The following FAR2 variants were observed in gnomAD, a reference collection of about 807,000 sequenced individuals.
FAR2 encodes epididymis secretory protein Li 81.
A neutral mutation model predicts 56.0 loss-of-function variants in FAR2; 19 were observed. That is an observed-to-expected ratio of 0.34 (90% CI 0.24 to 0.50). FAR2 has a LOEUF of 0.50. FAR2 is among the 20% of genes least tolerant of loss of function. The pLI, the probability that FAR2 is intolerant of heterozygous loss-of-function variation, is 0.98. For missense variants in FAR2, 508 were observed against 642.2 expected (o/e 0.79, Z 2.26); for synonymous variants, 219 against 218.8 (o/e 1.00, Z -0.01).
intron 1 of FAR2, among the ~76,000 whole-genome samples, chr12:29,208,224 G>A (rs1378276182): frequency 1.3e-5 from 2 of 152,194 alleles, no homozygotes; most frequent in Admixed American, 1.3e-4. Flanking sequence ...AAATCCTCCT[G>A]CTGCCCTTCT....
Position 29,334,423 on chromosome 12 carries a change from G to A in FAR2, c.*629G>A, listed in dbSNP as rs553482352. On this transcript the variant is annotated 3_prime_UTR_variant, in exon 12 of 12. Coordinates refer to ENST00000536681, the MANE Select transcript of FAR2 (RefSeq NM_001271783.2). Reference sequence around the variant, plus strand: ...AAAAAGGAACAAGAAGTGTAAATAAGTATGTATAGAGTGAGGGATTAAGCA... The same window carrying A: ...AAAAAGGAACAAGAAGTGTAAATAAATATGTATAGAGTGAGGGATTAAGCA... 2.0e-5 allele frequency: 3 copies of A among 152,284 alleles called. No individual in the cohort carries two copies. In the East Asian group the frequency reaches 5.8e-4, roughly 29 times the overall value. 9.4% of individuals were successfully genotyped at this position (152,284 alleles called of 1,614,324 possible).
Position 29,293,579 on chromosome 12 carries a change from A to G in FAR2, c.365+104A>G, listed in dbSNP as rs954497359. The G allele has an allele frequency of 2.1e-5, 24 of 1,134,736 alleles. No homozygotes were observed. The African/African-American group carries it at 3.0e-4, about 14-fold the overall frequency. The allele number at this position is 1,134,736 out of a possible 1,614,324, so 70.3% of individuals were successfully genotyped here. ...GAAATACACTCTAAACAAAAAAGAC[A>G]TACAAAGAAGCAAAACTCCTCCAAA... is the stretch of plus-strand genomic sequence containing the variant. On this transcript the variant is annotated intron_variant, in intron 3 of 11. Transcript: ENST00000536681.
chr12:29,244,655 A>T (rs1948095930), intron 1 of FAR2, among the ~76,000 whole-genome samples: 1 of 152,204 alleles, frequency 6.6e-6, no homozygotes, highest in African/African-American at 2.4e-5. Flanking sequence ...AGAGCTTCCC[A>T]GGCACTAGAG....
At position 29,203,989 on chromosome 12, in the gene FAR2, G is replaced by A. The variant is rs534209065; in HGVS notation, c.-39+54582G>A. Among the ~76,000 whole-genome samples the A allele has an allele frequency of 2.1e-3, 199 of 95,838 alleles. 1 individual carries two copies. The highest frequency in any genetic ancestry group is 8.1e-3 in the African/African-American group (193 of 23,944). The allele number at this position is 95,838 out of a possible 152,430, so 62.9% of individuals were successfully genotyped here. A position where few individuals can be genotyped will look rare whatever the true frequency, so the allele number is the denominator to read the frequency against. Reference sequence around the variant, plus strand: ...CACTCCAGCCTGGGAGAGAGAGTGAGATTCCATCTCAAAAAAAAAAAAAAA... The same window carrying A: ...CACTCCAGCCTGGGAGAGAGAGTGAAATTCCATCTCAAAAAAAAAAAAAAA... On this transcript the variant is annotated intron_variant, in intron 1 of 11. Transcript: ENST00000536681.
At chr12:29,271,782 A>G (rs1948622316) in intron 2 of FAR2, among the ~76,000 whole-genome samples, 1 of 152,224 alleles carries the variant, frequency 6.6e-6, no homozygotes, top group African/African-American at 2.4e-5. Flanking sequence ...CCTACTATCC[A>G]AAGGTCTTTT....
chr12:29,182,566 A>G (rs1408384237), intron 1 of FAR2, among the ~76,000 whole-genome samples: 1 of 152,226 alleles, frequency 6.6e-6, no homozygotes, highest in African/African-American at 2.4e-5. Flanking sequence ...CTCTTGTAAG[A>G]CAGAAAAGTT....
At chr12:29,260,560 G>A (rs766445) in intron 1 of FAR2, among the ~76,000 whole-genome samples, 87,600 of 151,974 alleles carry the variant, frequency 0.58, 26,073 homozygotes, top group African/African-American at 0.72. Context: ...GTGTGACCCA[G>A]TGCATTTCTG....
chr12:29,262,272 G>A (rs1346083038), intron 1 of FAR2, among the ~76,000 whole-genome samples: 3 of 152,022 alleles, frequency 2.0e-5, no homozygotes, highest in African/African-American at 7.2e-5. Flanking sequence ...TTATAAGATA[G>A]CATTTGCAAG....
chr12:29,326,101 C>T (rs1949640432), intron 10 of FAR2, among the ~76,000 whole-genome samples: 1 of 152,002 alleles, frequency 6.6e-6, no homozygotes, highest in African/African-American at 2.4e-5. Context: ...ATACAAACTA[C>T]CATCAGAGAA....
chr12:29,261,149 C>T (rs1197521901), intron 1 of FAR2, among the ~76,000 whole-genome samples: 2 of 152,100 alleles, frequency 1.3e-5, no homozygotes, highest in Non-Finnish European at 2.9e-5. Flanking sequence ...CCTCACTAAA[C>T]GAACTAAATA....
At chr12:29,227,039 A>C (rs1446296374) in intron 1 of FAR2, among the ~76,000 whole-genome samples, 1 of 152,212 alleles carries the variant, frequency 6.6e-6, no homozygotes, top group African/African-American at 2.4e-5. Flanking sequence ...TTAGAAAATA[A>C]AATGTAAAAC....
chr12:29,194,521 C>CCACACACACACACA (rs3222956), intron 1 of FAR2, among the ~76,000 whole-genome samples: 20 of 140,888 alleles, frequency 1.4e-4, no homozygotes, highest in East Asian at 6.5e-4. Flanking sequence ...GCTAGTGATG[C>CCACACACACACACA]CACACACACA....
At chr12:29,315,059 A>G (rs1445638716) in intron 8 of FAR2, among the ~76,000 whole-genome samples, 5 of 152,302 alleles carry the variant, frequency 3.3e-5, no homozygotes, top group African/African-American at 1.2e-4. Context: ...AGAAATATAC[A>G]TCAGATATGG....
intron 1 of FAR2, among the ~76,000 whole-genome samples, chr12:29,205,374 T>G (rs1947467709): frequency 6.6e-6 from 1 of 152,242 alleles, no homozygotes; most frequent in Non-Finnish European, 1.5e-5. Context: ...GTTCTTGATG[T>G]GTTATACCAA....
chr12:29,321,088 GTT>G (rs71444327), intron 9 of FAR2, among the ~76,000 whole-genome samples: 4 of 145,494 alleles, frequency 2.7e-5, no homozygotes, highest in East Asian at 2.0e-4. Flanking sequence ...TCAACAAGAA[GTT>G]TTTTTTTTTT....
chr12:29,214,834 A>G (rs940274271), intron 1 of FAR2, among the ~76,000 whole-genome samples: 7 of 150,094 alleles, frequency 4.7e-5, no homozygotes, highest in African/African-American at 1.5e-4. Context: ...ATAAAATGAT[A>G]ATAATAATAA....
intron 9 of FAR2, among the ~76,000 whole-genome samples, chr12:29,319,701 C>T (rs1431955813): frequency 1.3e-5 from 2 of 152,122 alleles, no homozygotes; most frequent in Non-Finnish European, 1.5e-5. Flanking sequence ...ACCAATTTAG[C>T]CATTAGAGCC....
chr12:29,265,760 AT>A (rs1472995716), intron 1 of FAR2, among the ~76,000 whole-genome samples: 1 of 152,194 alleles, frequency 6.6e-6, no homozygotes, highest in Non-Finnish European at 1.5e-5. Flanking sequence ...TTTGTAAACT[AT>A]CCATCTGACA....
chr12:29,167,201 T>G (rs1481632639), intron 1 of FAR2, among the ~76,000 whole-genome samples: 1 of 152,254 alleles, frequency 6.6e-6, no homozygotes, highest in African/African-American at 2.4e-5. Flanking sequence ...TGCTGGTTTC[T>G]GGTGTGTTTT....
Sources: allele counts gnomAD v4.1 joint callset (sites outside exome capture counted in the v4.1 genomes callset), GRCh38; gene constraint gnomAD v4.1.1; transcripts MANE v1.5; gene names NCBI Gene and HGNC (gene_info 2026-07-23, HGNC 2026-07-21).